Variants in MAGI3 observed in about 807,000 individuals in gnomAD.
MAGI3 encodes the protein membrane associated guanylate kinase, WW and PDZ domain containing 3.
MAGI3 carries 43 observed loss-of-function variants against 121.8 expected under a neutral mutation model. The observed-to-expected ratio is 0.35, with a 90% CI of 0.28 to 0.46. MAGI3 has a LOEUF of 0.46. MAGI3 is among the 20% of genes least tolerant of loss of function. The probability of loss-of-function intolerance (pLI) is 1.00; values close to 1 mark genes in which losing one functional copy is unlikely to be tolerated. For synonymous variants in MAGI3, 553 were observed against 639.3 expected (o/e 0.86, Z 2.04); for missense variants, 1,547 against 1,797.3 (o/e 0.86, Z 2.52).
At chr1:113,681,603 TAA>T (rs527281489) in intron 20 of MAGI3, among the ~76,000 whole-genome samples, 50 of 152,198 alleles carry the variant, frequency 3.3e-4, no homozygotes, top group Non-Finnish European at 6.5e-4. Context: ...ATGTACCTAT[TAA>T]AAAAGTGTAT....
chr1:113,461,181 C>T (rs970746569), intron 1 of MAGI3, among the ~76,000 whole-genome samples: 1 of 152,188 alleles, frequency 6.6e-6, no homozygotes, highest in African/African-American at 2.4e-5. Context: ...AGATTCAATG[C>T]TATTTCTATC....
At chr1:113,671,161 G>C (rs1647529340) in intron 16 of MAGI3, among the ~76,000 whole-genome samples, 1 of 152,112 alleles carries the variant, frequency 6.6e-6, no homozygotes, top group Non-Finnish European at 1.5e-5. Context: ...ACCTATATTT[G>C]TGTTCTGAGA....
At chr1:113,473,727 A>G (rs112075503) in intron 1 of MAGI3, among the ~76,000 whole-genome samples, 26 of 152,282 alleles carry the variant, frequency 1.7e-4, no homozygotes, top group African/African-American at 5.8e-4. Flanking sequence ...CAATAAACAT[A>G]TGTGTGCATG....
chr1:113,565,310 CA>C (rs1660399346), intron 2 of MAGI3, among the ~76,000 whole-genome samples: 1 of 152,168 alleles, frequency 6.6e-6, no homozygotes, highest in South Asian at 2.1e-4. Context: ...TCGGGCATTA[CA>C]AAGTATGTTG....
chr1:113,517,598 T>C (rs1657991613), intron 1 of MAGI3, among the ~76,000 whole-genome samples: 1 of 152,018 alleles, frequency 6.6e-6, no homozygotes, highest in African/African-American at 2.4e-5. Flanking sequence ...TTGAGGGTTT[T>C]ATATTTTTGT....
At position 113,633,406 on chromosome 1, in the gene MAGI3, C is replaced by T. The variant is rs367849024; in HGVS notation, c.1361-8505C>T. ...CCTCCCAAGTAGCTGGGACTACAGG[C>T]GCCTGCCACTACGCCCGGCTAATTT... is the stretch of plus-strand genomic sequence containing the variant. On this transcript the variant is annotated intron_variant, in intron 9 of 20. Coordinates refer to ENST00000307546, the MANE Select transcript of MAGI3 (RefSeq NM_001142782.2). Among the ~76,000 whole-genome samples, 198 of 150,298 alleles carry T rather than the reference C, an allele frequency of 1.3e-3. 3 individuals carry two copies. In the East Asian group the frequency reaches 0.033, roughly 25 times the overall value.
At chr1:113,610,118 CGTTTTTTTGTTT>C (rs2101767922) in intron 6 of MAGI3, among the ~76,000 whole-genome samples, 1 of 151,952 alleles carries the variant, frequency 6.6e-6, no homozygotes, top group South Asian at 2.1e-4. Flanking sequence ...CTTTACAAAG[CGTTTTTTTGTTT>C]GTTTGTTTGT....
At chr1:113,584,966 C>CAATTTT (rs61622151) in intron 3 of MAGI3, among the ~76,000 whole-genome samples, 5,156 of 110,140 alleles carry the variant, frequency 0.047, 480 homozygotes, top group Non-Finnish European at 0.055. Flanking sequence ...GTAGATATTT[C>CAATTTT]CTTTTTTTTT....
Position 113,646,675 on chromosome 1 carries a change from A to G in MAGI3, c.2155+33A>G, listed in dbSNP as rs114039361. On this transcript the variant is annotated intron_variant, in intron 12 of 20. Coordinates refer to ENST00000307546, the MANE Select transcript of MAGI3 (RefSeq NM_001142782.2). ...GTTGTGGAATATTTCAGGAGAGCAT[A>G]TAACAAGATAAATTTGGATTTATTT... 3.5e-5 allele frequency: 53 copies of G among 1,493,644 alleles called. No individual in the cohort carries two copies. The African/African-American group carries it at 6.4e-4, about 18-fold the overall frequency. 92.5% of individuals were successfully genotyped at this position (1,493,644 alleles called of 1,614,324 possible).
Position 113,523,013 on chromosome 1 carries a change from G to T in MAGI3, c.317-26502G>T, listed in dbSNP as rs186163838. Among the ~76,000 whole-genome samples the T allele has an allele frequency of 9.7e-4, 148 of 152,272 alleles. 2 individuals carry two copies. Among genetic ancestry groups the T allele is most frequent in the Non-Finnish European group, 3.5e-4 (24 of 68,016 alleles). On this transcript the variant is annotated intron_variant, in intron 1 of 20. Coordinates refer to ENST00000307546, the MANE Select transcript of MAGI3 (RefSeq NM_001142782.2). ...TTCCCATGTGTTGTGGGAGGAAATT[G>T]AATCATGGGAGTGGTTCTTTCCCAT...
intron 3 of MAGI3, chr1:113,581,018 C>T (rs564234325): frequency 6.5e-6 from 1 of 154,364 alleles, no homozygotes; most frequent in South Asian, 2.1e-4. Context: ...CTTTAAAAAA[C>T]TTACATGTAC....
intron 1 of MAGI3, among the ~76,000 whole-genome samples, chr1:113,430,364 A>G (rs1427101700): frequency 1.3e-5 from 2 of 152,168 alleles, no homozygotes; most frequent in African/African-American, 4.8e-5. Context: ...TCAGATATGG[A>G]GCCATTGTTC....
At position 113,568,879 on chromosome 1, in the gene MAGI3, A is replaced by AT. The variant is rs538080856; in HGVS notation, c.434-11656dup. On this transcript the variant is annotated intron_variant, in intron 2 of 20. Coordinates refer to ENST00000307546, the MANE Select transcript of MAGI3 (RefSeq NM_001142782.2). The stretch of plus-strand genomic sequence containing the variant: ...AATATCTCCATAGCTTTAGGAAAGG[A>AT]TTTTTTTCAACTAGACACAAAAACC... Among the ~76,000 whole-genome samples the AT allele has an allele frequency of 5.3e-3, 809 of 152,140 alleles. 5 individuals are homozygous for AT. The highest frequency in any genetic ancestry group is 0.019 in the African/African-American group (779 of 41,546).
At chr1:113,654,093 A>G in intron 15 of MAGI3, 75 bp downstream of exon 15, 1 of 1,196,884 alleles carries the variant, frequency 8.4e-7, no homozygotes, top group East Asian at 2.5e-5. Flanking sequence ...TTTATGAAAT[A>G]ATTAGGAGCT....
intron 5 of MAGI3, among the ~76,000 whole-genome samples, chr1:113,592,991 GA>G (rs1297990345): frequency 3.3e-5 from 5 of 152,090 alleles, no homozygotes; most frequent in African/African-American, 1.2e-4. Flanking sequence ...CAGCCTCTGT[GA>G]CAGAGTGAGA....
rs769318925 is a variant in MAGI3 at position 113,683,157 on chromosome 1, C to T, written c.3589C>T (p.Pro1197Ser). 6.2e-7 allele frequency: 1 copy of T among 1,613,760 alleles called. No individual in the cohort carries two copies. The highest frequency in any genetic ancestry group is 2.2e-5 in the East Asian group (1 of 44,896). Residue 1197 changes from proline to serine, a missense_variant, in exon 21 of 21, where the codon CCC (proline) becomes TCC (serine). By Grantham distance (74) the Pro-to-Ser change is moderately conservative. Transcript: ENST00000307546. ...LQKNVSKRDPPSSHGHSNKKN... is the reference protein window; with the variant it reads ...LQKNVSKRDPSSSHGHSNKKN... ...GAAAAATGTGAGTAAGAGGGATCCA[C>T]CCAGCAGTCATGGGCACAGTAACAA...
At chr1:113,676,084 A>G (rs1647850828) in intron 19 of MAGI3, among the ~76,000 whole-genome samples, 1 of 150,766 alleles carries the variant, frequency 6.6e-6, no homozygotes, top group Admixed American at 6.6e-5. Flanking sequence ...TCTCTCACAC[A>G]CACAACCTAT....
chr1:113,614,873 G>A (rs1650362684), intron 7 of MAGI3, among the ~76,000 whole-genome samples: 1 of 152,084 alleles, frequency 6.6e-6, no homozygotes, highest in Admixed American at 6.6e-5. Flanking sequence ...GAATAAGGGG[G>A]AAGTTGCCTA....
At chr1:113,620,516 A>C (rs1650754358) in intron 8 of MAGI3, among the ~76,000 whole-genome samples, 1 of 152,188 alleles carries the variant, frequency 6.6e-6, no homozygotes, top group African/African-American at 2.4e-5. Context: ...CTATGAGAGA[A>C]ATAGTTCTTT....
Sources: gnomAD v4.1 joint callset for allele counts (sites outside exome capture counted in the v4.1 genomes callset) on GRCh38, gnomAD v4.1.1 for gene constraint, MANE v1.5 for transcripts, NCBI Gene and HGNC (gene_info 2026-07-23, HGNC 2026-07-21) for gene names.